The following CEMIP variants were observed in gnomAD, a reference collection of about 807,000 sequenced individuals.
The protein encoded by CEMIP is cell migration inducing hyaluronidase 1.
CEMIP carries 105 observed loss-of-function variants against 156.9 expected under a neutral mutation model. The ratio of observed to expected loss-of-function variants is 0.67; its 90% CI spans 0.57 to 0.79. CEMIP has a LOEUF of 0.79. CEMIP is among the 30% of genes least tolerant of loss of function. CEMIP has a pLI of 0.00. For synonymous variants in CEMIP, 676 were observed against 668.4 expected, an observed-to-expected ratio of 1.01 and a Z score of -0.17; for missense variants, 1,457 against 1,769.4, an observed-to-expected ratio of 0.82 and a Z score of 3.17.
chr15:80,784,933 T>C (rs1326591516), intron 1 of CEMIP, among the ~76,000 whole-genome samples: 1 of 152,168 alleles, frequency 6.6e-6, no homozygotes, highest in Non-Finnish European at 1.5e-5. Flanking sequence ...GTTGTCCGAG[T>C]TGAGGAAGCC....
intron 27 of CEMIP, 84 bp downstream of exon 27, chr15:80,942,421 G>A (rs1019500391): frequency 1.7e-6 from 2 of 1,188,878 alleles, no homozygotes; most frequent in Non-Finnish European, 1.3e-6. Context: ...ACAAATTACT[G>A]CAAACTGGGA....
rs76012403 is a variant in CEMIP at position 80,865,994 on chromosome 15, G to A, written c.-175-7544G>A. Among the ~76,000 whole-genome samples, 559 of 152,294 alleles carry A rather than the reference G, an allele frequency of 3.7e-3. 1 individual carries two copies. Among genetic ancestry groups the A allele is most frequent in the African/African-American group, 0.013 (529 of 41,550 alleles). ...GCGCAGTGGCCGCCCACGGGCTAAC[G>A]ATGTGAGCTGAATGAATAGGAGGAT... On this transcript the variant is annotated intron_variant, in intron 1 of 29. Transcript: ENST00000394685.
chr15:80,930,389 G>C (rs77518861), intron 21 of CEMIP, among the ~76,000 whole-genome samples: 1 of 152,168 alleles, frequency 6.6e-6, no homozygotes, highest in South Asian at 2.1e-4. Context: ...GACTTCCAAA[G>C]GTGATCCTGT....
rs1596172870 is a variant in CEMIP at position 80,900,642 on chromosome 15, G to GTGTGTGTGTGTGTC, written c.1411+4589_1411+4590insGTGTGTCTGTGTGT. On this transcript the variant is annotated intron_variant, in intron 12 of 29. Transcript: ENST00000394685. ...TGTGTGTGTGTGTGTGTGTGTGTGT[G>GTGTGTGTGTGTGTC]TGTGTGTCTGTGTGTGTGTCTGTGT... is the stretch of plus-strand genomic sequence containing the variant. Among the ~76,000 whole-genome samples the GTGTGTGTGTGTGTC allele has an allele frequency of 8.6e-5, 11 of 127,220 alleles. No individual in the cohort carries two copies. The East Asian group carries it at 1.0e-3, about 12-fold the overall frequency. 83.5% of individuals were successfully genotyped at this position (127,220 alleles called of 152,430 possible).
intron 1 of CEMIP, among the ~76,000 whole-genome samples, chr15:80,822,634 A>G (rs563509429): frequency 6.6e-6 from 1 of 152,368 alleles, no homozygotes; most frequent in African/African-American, 2.4e-5. Flanking sequence ...TAGCAGTGTC[A>G]ATACCACATT....
intron 17 of CEMIP, among the ~76,000 whole-genome samples, chr15:80,923,339 AG>A (rs1157155851): frequency 6.6e-6 from 1 of 152,088 alleles, no homozygotes; most frequent in Admixed American, 6.5e-5. Flanking sequence ...CTCCATACAG[AG>A]GGAGGTGCAG....
intron 14 of CEMIP, among the ~76,000 whole-genome samples, chr15:80,917,777 G>A (rs867243648): frequency 2.0e-5 from 3 of 152,164 alleles, no homozygotes; most frequent in African/African-American, 7.2e-5. Context: ...TATGGCTTAT[G>A]TGACCTTTGG....
intron 28 of CEMIP, among the ~76,000 whole-genome samples, chr15:80,945,938 A>T (rs980973640): frequency 6.6e-6 from 1 of 152,182 alleles, no homozygotes; most frequent in East Asian, 1.9e-4. Context: ...GCAATTTGGG[A>T]CCTTCAGGCT....
Position 80,946,982 on chromosome 15 carries a change from C to T in CEMIP, c.3875C>T (p.Ala1292Val), listed in dbSNP as rs1156301471. 6.2e-7 allele frequency: 1 copy of T among 1,612,810 alleles called. No homozygotes were observed. The highest frequency in any genetic ancestry group is 8.5e-7 in the Non-Finnish European group (1 of 1,178,840). The change falls in exon 29 of 30, where the codon GCA (alanine) becomes GTA (valine). Residue 1292 changes from alanine to valine, a missense_variant. This residue lies in a region of CEMIP where 798 missense variants were observed against 980.1 expected (regional missense o/e 0.81). Coordinates refer to ENST00000394685, the MANE Select transcript of CEMIP (RefSeq NM_001293298.2). ...TCACACAGTTCCATAGTGCTTATGG[C>T]ATCAAAGGGAAGATACGTCTCCAGA... ...TIPDNSIVLM[A>V]SKGRYVSRGP...
chr15:80,814,662 G>T (rs1412572469), intron 1 of CEMIP, among the ~76,000 whole-genome samples: 1 of 152,162 alleles, frequency 6.6e-6, no homozygotes, highest in Non-Finnish European at 1.5e-5. Context: ...TCAAAGGATA[G>T]GTAGGCTTTG....
intron 1 of CEMIP, among the ~76,000 whole-genome samples, chr15:80,802,409 C>A (rs545511785): frequency 1.3e-5 from 2 of 152,338 alleles, no homozygotes; most frequent in South Asian, 4.1e-4. Context: ...TGGGCGTGGG[C>A]AGGCCCCACC....
intron 23 of CEMIP, among the ~76,000 whole-genome samples, chr15:80,936,395 C>A (rs1402321322): frequency 6.6e-6 from 1 of 152,230 alleles, no homozygotes; most frequent in Non-Finnish European, 1.5e-5. Context: ...GACTATTATG[C>A]AGACTCTTCT....
rs1314977413 is a variant in CEMIP at position 80,937,824 on chromosome 15, C to T, written c.3252C>T (p.Tyr1084=). Reference sequence around the variant, plus strand: ...ACTGGATCCGAGTGGGGCTCTGCTACCCGCGAGGCACCACATTCTCCATCC... The same window carrying T: ...ACTGGATCCGAGTGGGGCTCTGCTATCCGCGAGGCACCACATTCTCCATCC... ...KGDWIRVGLC[Y]PRGTTFSILS... is the part of the protein sequence containing the mutation. The change falls in exon 25 of 30, where the codon TAC becomes TAT. Residue 1084 remains tyrosine (Y), a synonymous_variant. Coordinates refer to ENST00000394685, the MANE Select transcript of CEMIP (RefSeq NM_001293298.2). 4 of 1,614,262 alleles carry T rather than the reference C, an allele frequency of 2.5e-6. No homozygotes were observed. Among genetic ancestry groups the T allele is most frequent in the Non-Finnish European group, 3.4e-6 (4 of 1,180,044 alleles).
intron 14 of CEMIP, among the ~76,000 whole-genome samples, chr15:80,913,812 A>G (rs1169040976): frequency 6.6e-6 from 1 of 152,248 alleles, no homozygotes; most frequent in Admixed American, 6.5e-5. Flanking sequence ...CACAGCATAC[A>G]TGCCTTCTTT....
intron 1 of CEMIP, among the ~76,000 whole-genome samples, chr15:80,792,515 G>A (rs569415956): frequency 6.6e-6 from 1 of 152,250 alleles, no homozygotes; most frequent in South Asian, 2.1e-4. Context: ...CCCTAAAATA[G>A]GATGATTATA....
chr15:80,879,664 C>T (rs1898577362), intron 4 of CEMIP, 52 bp from the exon 5 acceptor site: 5 of 1,612,162 alleles, frequency 3.1e-6, no homozygotes, highest in Non-Finnish European at 3.4e-6. Flanking sequence ...TCTGATATAA[C>T]CTTACCCTTA....
chr15:80,792,915 G>A (rs1416332596), intron 1 of CEMIP, among the ~76,000 whole-genome samples: 1 of 152,210 alleles, frequency 6.6e-6, no homozygotes, highest in East Asian at 1.9e-4. Flanking sequence ...GTTGTCCTGA[G>A]AGGAGAGCTA....
chr15:80,813,350 ATTTT>A (rs34253400), intron 1 of CEMIP, among the ~76,000 whole-genome samples: 6 of 129,414 alleles, frequency 4.6e-5, no homozygotes, highest in African/African-American at 8.4e-5. Flanking sequence ...AGCAGTACGG[ATTTT>A]TTTTTTTTTT....
chr15:80,879,795 G>A lies in CEMIP; in HGVS notation c.321G>A (p.Leu107=), dbSNP rs529232270. 12 of 1,614,198 alleles carry A rather than the reference G, an allele frequency of 7.4e-6. No homozygotes were observed. In the African/African-American group the frequency reaches 1.5e-4, roughly 20 times the overall value. ...TCCTGATTGACAACGGAGGAGAGCT[G>A]CATGCTGGGAGTGCCCTCTGCCCTT... is the stretch of plus-strand genomic sequence containing the variant. ...RHILIDNGGE[L]HAGSALCPFQ... The change falls in exon 5 of 30, where the codon CTG becomes CTA. Residue 107 remains leucine (L), a synonymous_variant. Transcript: ENST00000394685.
Sources: gnomAD v4.1 joint callset for allele counts (sites outside exome capture counted in the v4.1 genomes callset) on GRCh38, gnomAD v4.1.1 for gene constraint, gnomAD v4.1.1 regional missense constraint, MANE v1.5 for transcripts, NCBI Gene and HGNC (gene_info 2026-07-23, HGNC 2026-07-21) for gene names.